The following TBC1D24 variants were observed in gnomAD, a reference collection of about 807,000 sequenced individuals.
TBC1D24 encodes Infantile myoclonic epilepsy.
Under a neutral mutation model 50.7 loss-of-function variants are expected in TBC1D24, and 47 were observed. That is an observed-to-expected ratio of 0.93 (90% CI 0.73 to 1.18). TBC1D24 has a LOEUF of 1.18. Ranked by LOEUF, TBC1D24 falls within the 50% of genes most tolerant of loss-of-function variation. TBC1D24 has a pLI of 0.00. For missense variants in TBC1D24, 688 were observed against 766.5 expected (o/e 0.90, Z 1.21); for synonymous variants, 324 against 335.2 (o/e 0.97, Z 0.36).
chr16:2,492,890 C>T (rs1006835813), intron 1 of TBC1D24, among the ~76,000 whole-genome samples: 1 of 152,002 alleles, frequency 6.6e-6, no homozygotes, highest in African/African-American at 2.4e-5. Flanking sequence ...GTCGGGAGTT[C>T]GAGACCAGCC....
intron 1 of TBC1D24, chr16:2,481,163 G>C (rs1231786077): frequency 6.6e-6 from 1 of 152,280 alleles, no homozygotes; most frequent in Non-Finnish European, 1.5e-5. Flanking sequence ...CACCTGACCC[G>C]GGCTGGGGTG....
chr16:2,501,689 C>T lies in TBC1D24; in HGVS notation c.*731C>T, dbSNP rs979841405. 2 of 152,674 alleles carry T rather than the reference C, an allele frequency of 1.3e-5. No individual in the cohort carries two copies. The highest frequency in any genetic ancestry group is 4.8e-5 in the African/African-American group (2 of 41,450). 9.5% of individuals were successfully genotyped at this position (152,674 alleles called of 1,614,324 possible). On this transcript the variant is annotated 3_prime_UTR_variant, in exon 8 of 8. Coordinates refer to ENST00000646147, the MANE Select transcript of TBC1D24 (RefSeq NM_001199107.2). ...GGGTGGGAGCTGGAGGGGGATGTCA[C>T]ATGTCCTTGTGTTTCTGCAGAGCCT...
intron 1 of TBC1D24, chr16:2,476,655 A>C (rs938826351): frequency 3.9e-5 from 6 of 152,380 alleles, no homozygotes; most frequent in African/African-American, 1.4e-4. Context: ...GCTTCCCCAC[A>C]GCCTGGCCAG....
At chr16:2,497,781 C>T in intron 3 of TBC1D24, 54 bp downstream of exon 3, 1 of 1,519,470 alleles carries the variant, frequency 6.6e-7, no homozygotes, top group Non-Finnish European at 8.8e-7. Context: ...ACCAGGCTGA[C>T]TCTAGGCCAG....
intron 1 of TBC1D24, among the ~76,000 whole-genome samples, chr16:2,489,466 G>A (rs1012594797): frequency 3.3e-5 from 5 of 152,096 alleles, no homozygotes; most frequent in Non-Finnish European, 5.9e-5. Context: ...ATAAATAAAC[G>A]AGCGAACAAA....
At chr16:2,479,415 G>T (rs1320434544) in intron 1 of TBC1D24, 1 of 152,268 alleles carries the variant, frequency 6.6e-6, no homozygotes, top group Non-Finnish European at 1.5e-5. Flanking sequence ...CTCAGACCGA[G>T]AGACCCAAGG....
rs2065817176 is a variant in TBC1D24, at chr16:2,504,350, A to C, written c.*3392A>C. ...CCTCACCTTCCCCCAAGTCAATATC[A>C]AAACAAAGAAATAAGCATTGTTGCA... On this transcript the variant is annotated 3_prime_UTR_variant, in exon 8 of 8. Transcript: ENST00000646147. 6.6e-6 allele frequency: 1 copy of C among 152,040 alleles called. No individual in the cohort carries two copies. The allele number at this position is 152,040 out of a possible 1,614,324, so 9.4% of individuals were successfully genotyped here.
At position 2,487,915 on chromosome 16, in the gene TBC1D24, T is replaced by A. The variant is rs1341145910; in HGVS notation, c.-115-8119T>A. 6.6e-6 allele frequency among the ~76,000 whole-genome samples: 1 copy of A among 152,096 alleles called. No homozygotes were observed. The highest frequency in any genetic ancestry group is 1.5e-5 in the Non-Finnish European group (1 of 68,004). ...CTCGCTGTCCCAGGATGAAGGGAGA[T>A]GGAGCAGCAACAGCAGCCAGCAGCT... On this transcript the variant is annotated intron_variant, in intron 1 of 7. Coordinates refer to ENST00000646147, the MANE Select transcript of TBC1D24 (RefSeq NM_001199107.2). The surrounding 1 kb of genome is among the most constrained non-coding windows in gnomAD (Gnocchi z 4.1).
At chr16:2,490,610 T>A (rs571639052) in intron 1 of TBC1D24, among the ~76,000 whole-genome samples, 1 of 152,272 alleles carries the variant, frequency 6.6e-6, no homozygotes, top group Admixed American at 6.5e-5. Flanking sequence ...ACCCTGTCAG[T>A]CCAGAGTGAG....
intron 1 of TBC1D24, among the ~76,000 whole-genome samples, chr16:2,489,097 A>C (rs1253990075): frequency 1.3e-5 from 2 of 148,360 alleles, no homozygotes; most frequent in African/African-American, 5.0e-5. Context: ...AGAAAGAAAT[A>C]TTTGCTTTGG....
chr16:2,477,146 A>G (rs2065575288), intron 1 of TBC1D24: 2 of 152,266 alleles, frequency 1.3e-5, no homozygotes, highest in Non-Finnish European at 2.9e-5. Flanking sequence ...TTTTCAACTC[A>G]AAGCAGCAAT....
rs2065784815 is a variant in TBC1D24 at position 2,500,598 on chromosome 16, G to T, written c.1525+108G>T. On this transcript the variant is annotated intron_variant, in intron 7 of 7. Coordinates refer to ENST00000646147, the MANE Select transcript of TBC1D24 (RefSeq NM_001199107.2). This position sits in a 1 kb window ranked among gnomAD's most constrained non-coding sequence, Gnocchi z 8.0. Reference sequence around the variant, plus strand: ...GGGTGGCAGAGAAGAGGCCCTGGGTGTCAGGGTGGACCAGGCATGATGGGT... The same window carrying T: ...GGGTGGCAGAGAAGAGGCCCTGGGTTTCAGGGTGGACCAGGCATGATGGGT... The T allele has an allele frequency of 1.5e-6, 2 of 1,347,234 alleles. No homozygotes were observed. Among genetic ancestry groups the T allele is most frequent in the African/African-American group, 2.9e-5 (2 of 69,434 alleles). 83.5% of individuals were successfully genotyped at this position (1,347,234 alleles called of 1,614,324 possible).
rs2065558828 is a variant in TBC1D24, at chr16:2,475,469, C to T, written c.-116+299C>T. Among the ~76,000 whole-genome samples the T allele has an allele frequency of 6.6e-6, 1 of 151,812 alleles. No homozygotes were observed. The highest frequency in any genetic ancestry group is 6.5e-5 in the Admixed American group (1 of 15,278). On this transcript the variant is annotated intron_variant, in intron 1 of 7. Transcript: ENST00000646147. This position sits in a 1 kb window ranked among gnomAD's most constrained non-coding sequence, Gnocchi z 4.2. ...CGCGGCCCGGCCCAGGGCATGGTGT[C>T]GTCTGGAAGAGTGACTGTGTCACTG...
chr16:2,481,591 C>G (rs981385704), intron 1 of TBC1D24: 21 of 152,204 alleles, frequency 1.4e-4, no homozygotes, highest in African/African-American at 5.1e-4. Context: ...CCTCCTGTGT[C>G]CTGGGGGTGT....
At position 2,500,444 on chromosome 16, in the gene TBC1D24, G is replaced by C. The variant is rs992424491; in HGVS notation, c.1479G>C (p.Lys493Asn). 4 of 1,600,546 alleles carry C rather than the reference G, an allele frequency of 2.5e-6. No homozygotes were observed. The highest frequency in any genetic ancestry group is 3.4e-6 in the Non-Finnish European group (4 of 1,174,312). Residue 493 changes from lysine to asparagine, a missense_variant, in exon 7 of 8, where the codon AAG becomes AAC. By Grantham distance (94) the Lys-to-Asn change is moderately conservative. Coordinates refer to ENST00000646147, the MANE Select transcript of TBC1D24 (RefSeq NM_001199107.2). The surrounding 1 kb of genome is among the most constrained non-coding windows in gnomAD (Gnocchi z 8.0). ...CTCGCCACTTCAACCTGCCCTCCAA[G>C]ACCGAGTCCATGTTCATGGCGGGGG... ...LAARHFNLPS[K>N]TESMFMAGGS... is the part of the protein sequence containing the mutation.
In TBC1D24 at chr16:2,502,880, G is replaced by A. The variant is rs2065805868; in HGVS notation, c.*1922G>A. 1 of 152,818 alleles carries A rather than the reference G, an allele frequency of 6.5e-6. No homozygotes were observed. Among genetic ancestry groups the A allele is most frequent in the Non-Finnish European group, 1.5e-5 (1 of 68,166 alleles). 9.5% of individuals were successfully genotyped at this position (152,818 alleles called of 1,614,324 possible). ...CATCAACTCCAGGGCTCCAAGCTGA[G>A]TCTGATCTCTTCAGCCAGAGGGGCC... On this transcript the variant is annotated 3_prime_UTR_variant, in exon 8 of 8. Coordinates refer to ENST00000646147, the MANE Select transcript of TBC1D24 (RefSeq NM_001199107.2).
Position 2,496,958 on chromosome 16 carries a change from C to T in TBC1D24, c.810C>T (p.Arg270=). ...CGGACAGCGTGAAGCAGGACATCCGCACGTTCGTCAGAGACATCGCGAAGA... is the reference window on the plus strand; with the variant it reads ...CGGACAGCGTGAAGCAGGACATCCGTACGTTCGTCAGAGACATCGCGAAGA... ...LESDSVKQDI[R]TFVRDIAKTV... is the part of the protein sequence containing the mutation. Residue 270 remains arginine (R), a synonymous_variant, in exon 2 of 8, where the codon CGC becomes CGT. Coordinates refer to ENST00000646147, the MANE Select transcript of TBC1D24 (RefSeq NM_001199107.2). 6.2e-7 allele frequency: 1 copy of T among 1,614,036 alleles called. No individual in the cohort carries two copies. Among genetic ancestry groups the T allele is most frequent in the Non-Finnish European group, 8.5e-7 (1 of 1,180,048 alleles).
At chr16:2,488,970 T>C (rs1267193297) in intron 1 of TBC1D24, among the ~76,000 whole-genome samples, 1 of 149,260 alleles carries the variant, frequency 6.7e-6, no homozygotes, top group African/African-American at 2.5e-5. Flanking sequence ...CTTGGGAGGC[T>C]GAGGCAGAAG....
At chr16:2,491,973 G>A (rs921542329) in intron 1 of TBC1D24, among the ~76,000 whole-genome samples, 1 of 152,042 alleles carries the variant, frequency 6.6e-6, no homozygotes, top group Non-Finnish European at 1.5e-5. Flanking sequence ...CAAATAGCTG[G>A]GATTACAGGT....
Sources: gnomAD v4.1 joint callset for allele counts (sites outside exome capture counted in the v4.1 genomes callset) on GRCh38, gnomAD v4.1.1 for gene constraint, Gnocchi (gnomAD v3.1) non-coding constraint, MANE v1.5 for transcripts, NCBI Gene and HGNC (gene_info 2026-07-23, HGNC 2026-07-21) for gene names.